The following KCNS3 variants were observed in gnomAD, a reference collection of about 807,000 sequenced individuals.
KCNS3 encodes potassium voltage-gated channel modifier subfamily S member 3.
Under a neutral mutation model 31.0 loss-of-function variants are expected in KCNS3, and 13 were observed. The observed-to-expected ratio is 0.42, with a 90% CI of 0.27 to 0.67. The LOEUF is 0.67. Ranked by LOEUF, KCNS3 falls within the 30% of genes least tolerant of loss-of-function variation. KCNS3 has a pLI of 0.25. For synonymous variants in KCNS3, 238 were observed against 241.5 expected (o/e 0.99, Z 0.13); for missense variants, 545 against 622.4 (o/e 0.88, Z 1.32).
At chr2:17,884,071 A>G (rs1341591627) in intron 1 of KCNS3, among the ~76,000 whole-genome samples, 1 of 121,238 alleles carries the variant, frequency 8.2e-6, no homozygotes, top group African/African-American at 3.2e-5. Context: ...ACACTTGGAC[A>G]CAGGAAGGGG....
intron 1 of KCNS3, among the ~76,000 whole-genome samples, chr2:17,899,112 G>C (rs927509996): frequency 2.0e-5 from 3 of 152,068 alleles, no homozygotes; most frequent in Non-Finnish European, 4.4e-5. Context: ...TGTATTCCCA[G>C]CTGCTCAGGA....
At chr2:17,908,388 C>A (rs149399285) in intron 1 of KCNS3, among the ~76,000 whole-genome samples, 26 of 152,348 alleles carry the variant, frequency 1.7e-4, no homozygotes, top group African/African-American at 6.3e-4. Flanking sequence ...TTTTTAGCTT[C>A]TTTGCCATGG....
At chr2:17,895,214 C>CT (rs532068260) in intron 1 of KCNS3, among the ~76,000 whole-genome samples, 4 of 150,942 alleles carry the variant, frequency 2.7e-5, no homozygotes, top group East Asian at 1.9e-4. Flanking sequence ...TTAAGTAAAG[C>CT]TTTTTTTTTA....
At position 17,931,725 on chromosome 2, in the gene KCNS3, C is replaced by T. The variant is rs748591645; in HGVS notation, c.717C>T (p.Val239=). 1.9e-6 allele frequency: 3 copies of T among 1,614,024 alleles called. No homozygotes were observed. In the East Asian group the frequency reaches 6.7e-5, roughly 36 times the overall value. Reference sequence around the variant, plus strand: ...CCTGGTTCACCGGGGAGCTTGCCGTCCGGCTGGCTGCCGCTCCTTGTCAAA... The same window carrying T: ...CCTGGTTCACCGGGGAGCTTGCCGTTCGGCTGGCTGCCGCTCCTTGTCAAA... The part of the protein sequence containing the change: ...CIAWFTGELA[V]RLAAAPCQKK... The change falls in exon 3 of 3, where the codon GTC becomes GTT. Residue 239 remains valine, a synonymous_variant. Transcript: ENST00000304101. The surrounding 1 kb of genome is among the most constrained non-coding windows in gnomAD (Gnocchi z 5.4).
chr2:17,908,065 G>A (rs1662379322), intron 1 of KCNS3, among the ~76,000 whole-genome samples: 1 of 152,152 alleles, frequency 6.6e-6, no homozygotes, highest in Non-Finnish European at 1.5e-5. Flanking sequence ...TTTCGAACTT[G>A]GTTCCATTCT....
rs550237010 is a variant in KCNS3 at position 17,930,496 on chromosome 2, A to G, written c.-59-454A>G. Among the ~76,000 whole-genome samples the G allele has an allele frequency of 1.7e-4, 26 of 152,258 alleles. No individual in the cohort carries two copies. In the South Asian group the frequency reaches 4.8e-3, roughly 28 times the overall value. ...TGTGTTGGGGGCATGACCAAGCCCT[A>G]GGGATTGGAAGGGATGAGCTTCAAG... On this transcript the variant is annotated intron_variant, in intron 2 of 2. Coordinates refer to ENST00000304101, the MANE Select transcript of KCNS3 (RefSeq NM_002252.5).
intron 1 of KCNS3, among the ~76,000 whole-genome samples, chr2:17,896,370 A>G (rs1662027665): frequency 6.6e-6 from 1 of 152,082 alleles, no homozygotes; most frequent in Admixed American, 6.6e-5. Context: ...TATAGTTTAG[A>G]AAAGTCCCTC....
At chr2:17,924,574 G>C (rs980464538) in intron 2 of KCNS3, among the ~76,000 whole-genome samples, 7 of 152,172 alleles carry the variant, frequency 4.6e-5, no homozygotes, top group Non-Finnish European at 1.0e-4. Flanking sequence ...ATGAAAGAGT[G>C]CTAGATTTTT....
At chr2:17,901,923 G>A (rs961248847) in intron 1 of KCNS3, among the ~76,000 whole-genome samples, 5 of 152,236 alleles carry the variant, frequency 3.3e-5, no homozygotes, top group South Asian at 2.1e-4. Flanking sequence ...CAGCAAGACC[G>A]GTGTTCCCTA....
chr2:17,905,929 T>G (rs1662303354), intron 1 of KCNS3, among the ~76,000 whole-genome samples: 1 of 152,176 alleles, frequency 6.6e-6, no homozygotes, highest in Non-Finnish European at 1.5e-5. Flanking sequence ...TCTCTTTTTT[T>G]GTTGTGTCTC....
At chr2:17,914,893 TTA>T (rs1662554046) in intron 1 of KCNS3, among the ~76,000 whole-genome samples, 1 of 152,210 alleles carries the variant, frequency 6.6e-6, no homozygotes, top group Admixed American at 6.5e-5. Context: ...GAGGGCAACC[TTA>T]CTCCTATGAT....
chr2:17,883,276 A>T (rs931036639), intron 1 of KCNS3, among the ~76,000 whole-genome samples: 10 of 152,022 alleles, frequency 6.6e-5, no homozygotes, highest in Non-Finnish European at 1.2e-4. Flanking sequence ...ACATATATGT[A>T]TTCTCATTAT....
chr2:17,902,835 T>C (rs1476960324), intron 1 of KCNS3, among the ~76,000 whole-genome samples: 2 of 152,256 alleles, frequency 1.3e-5, no homozygotes, highest in African/African-American at 2.4e-5. Context: ...TATTACAATC[T>C]GGGTTAGTGT....
chr2:17,884,762 G>A (rs920879331), intron 1 of KCNS3, among the ~76,000 whole-genome samples: 2 of 152,112 alleles, frequency 1.3e-5, no homozygotes. Context: ...TAGAGTTATA[G>A]CACTTCTAGA....
chr2:17,909,374 G>C (rs1038471835), intron 1 of KCNS3, among the ~76,000 whole-genome samples: 3 of 152,170 alleles, frequency 2.0e-5, no homozygotes, highest in Admixed American at 6.5e-5. Flanking sequence ...ACCTTAGCTA[G>C]GAAAGGGAAT....
At chr2:17,909,454 C>A (rs1662419658) in intron 1 of KCNS3, among the ~76,000 whole-genome samples, 1 of 152,154 alleles carries the variant, frequency 6.6e-6, no homozygotes, top group Non-Finnish European at 1.5e-5. Flanking sequence ...CGGTAGGCTG[C>A]ACCCACTGTC....
At chr2:17,886,274 C>T (rs1477982063) in intron 1 of KCNS3, among the ~76,000 whole-genome samples, 1 of 152,104 alleles carries the variant, frequency 6.6e-6, no homozygotes, top group Non-Finnish European at 1.5e-5. Context: ...CCATGGTGAA[C>T]CGAAAAGCAT....
intron 1 of KCNS3, among the ~76,000 whole-genome samples, chr2:17,910,090 T>C (rs982506554): frequency 6.6e-6 from 1 of 152,220 alleles, no homozygotes; most frequent in African/African-American, 2.4e-5. Flanking sequence ...CTACAGGATG[T>C]AAAGGAATCC....
At chr2:17,906,918 C>G (rs530967519) in intron 1 of KCNS3, among the ~76,000 whole-genome samples, 3 of 152,054 alleles carry the variant, frequency 2.0e-5, no homozygotes, top group Non-Finnish European at 4.4e-5. Context: ...TGTGGTGCTG[C>G]GAAGAATGTA....
Sources: gnomAD v4.1 joint callset for allele counts (sites outside exome capture counted in the v4.1 genomes callset) on GRCh38, gnomAD v4.1.1 for gene constraint, Gnocchi (gnomAD v3.1) non-coding constraint, MANE v1.5 for transcripts, NCBI Gene and HGNC (gene_info 2026-07-23, HGNC 2026-07-21) for gene names.